The following SEMA4D variants were observed in gnomAD, a reference collection of about 807,000 sequenced individuals.
SEMA4D encodes semaphorin-4D.
In SEMA4D, 22 loss-of-function variants were observed where a neutral mutation model predicts 74.8. The ratio of observed to expected loss-of-function variants is 0.29; its 90% CI spans 0.21 to 0.42. SEMA4D has a LOEUF of 0.42. SEMA4D is among the 10% of genes least tolerant of loss of function. The pLI, the probability that SEMA4D is intolerant of heterozygous loss-of-function variation, is 1.00. For missense variants in SEMA4D, 937 were observed against 1,118.4 expected (o/e 0.84, Z 2.31); for synonymous variants, 445 against 463.7 (o/e 0.96, Z 0.52).
intron 2 of SEMA4D, among the ~76,000 whole-genome samples, chr9:89,454,788 C>T (rs1188661244): frequency 1.3e-5 from 2 of 152,196 alleles, no homozygotes; most frequent in Non-Finnish European, 2.9e-5. Context: ...CCCAGGCCAC[C>T]CTCGGGGTGG....
At chr9:89,400,359 CT>C (rs1190750330) in intron 4 of SEMA4D, among the ~76,000 whole-genome samples, 6 of 152,318 alleles carry the variant, frequency 3.9e-5, no homozygotes, top group Non-Finnish European at 7.3e-5. Flanking sequence ...AAAATGCCCC[CT>C]CTCTCTGTGA....
chr9:89,442,230 G>A (rs538199027), intron 2 of SEMA4D, among the ~76,000 whole-genome samples: 1 of 152,324 alleles, frequency 6.6e-6, no homozygotes, highest in South Asian at 2.1e-4. Context: ...CACTGGGAGG[G>A]GCTCAGTGGG....
At chr9:89,396,673 C>G (rs569298488) in intron 6 of SEMA4D, 64 bp downstream of exon 6, 1 of 1,328,492 alleles carries the variant, frequency 7.5e-7, no homozygotes, top group Non-Finnish European at 1.1e-6. Flanking sequence ...CTGCTTTGAG[C>G]CCCCTTCTAC....
Position 89,381,319 on chromosome 9 carries a change from T to G in SEMA4D, c.1474A>C (p.Asn492His), listed in dbSNP as rs753927810. The G allele has an allele frequency of 2.2e-5, 33 of 1,517,190 alleles. No individual in the cohort carries two copies. The highest frequency in any genetic ancestry group is 2.7e-5 in the Non-Finnish European group (31 of 1,128,602). The allele number at this position is 1,517,190 out of a possible 1,614,324, so 94.0% of individuals were successfully genotyped here. ...AGCGGGGCCTGGACCACGCCCGAGTTAGAGCCAGCATAGACAAACCTGTTG... is the reference window on the plus strand; with the variant it reads ...AGCGGGGCCTGGACCACGCCCGAGTGAGAGCCAGCATAGACAAACCTGTTG... ...KGNRFVYAGS[N>H]SGVVQAPLAF... The change falls in exon 14 of 16, where the codon AAC becomes CAC. Residue 492 changes from asparagine to histidine, a missense_variant. Physicochemically the swap from Asn to His is moderately conservative, Grantham distance 68 (BLOSUM62 1). Coordinates refer to ENST00000422704, the MANE Select transcript of SEMA4D (RefSeq NM_001371194.2). The surrounding 1 kb of genome is among the most constrained non-coding windows in gnomAD (Gnocchi z 4.6).
intron 1 of SEMA4D, among the ~76,000 whole-genome samples, chr9:89,488,426 G>A (rs1000507636): frequency 1.5e-5 from 2 of 137,836 alleles, no homozygotes; most frequent in Non-Finnish European, 1.5e-5. Flanking sequence ...TGGCTGGAGT[G>A]CAATGGTGCG....
intron 16 of SEMA4D, chr9:89,364,391 G>A (rs1397474881): frequency 4.8e-5 from 13 of 270,524 alleles, no homozygotes; most frequent in Non-Finnish European, 9.6e-5. Context: ...CCCAGAGCTC[G>A]GCCAGCTGTG....
intron 1 of SEMA4D, among the ~76,000 whole-genome samples, chr9:89,480,312 ACT>A (rs1418140241): frequency 6.6e-6 from 1 of 151,586 alleles, no homozygotes; most frequent in Non-Finnish European, 1.5e-5. Flanking sequence ...AGATATAAAG[ACT>A]CTCCACGTCC....
At chr9:89,479,903 G>C (rs1381107807) in intron 1 of SEMA4D, 4 of 152,336 alleles carry the variant, frequency 2.6e-5, no homozygotes, top group African/African-American at 7.2e-5. Context: ...TGCTGGCTCG[G>C]GCAGCCTGCT....
At chr9:89,362,169 A>G (rs1196171503) in exon 19 of SEMA4D, 1 of 618,678 alleles carries the variant, frequency 1.6e-6, no homozygotes, top group African/African-American at 1.8e-5. Context: ...TGTCCCAGGT[A>G]AGCACCTAAT....
intron 1 of SEMA4D, among the ~76,000 whole-genome samples, chr9:89,467,517 C>A (rs547123199): frequency 1.3e-5 from 2 of 151,054 alleles, no homozygotes; most frequent in South Asian, 4.2e-4. Context: ...GGGAACCACA[C>A]CTGGGAGCGC....
intron 16 of SEMA4D, chr9:89,368,534 C>T (rs983557584): frequency 2.6e-5 from 4 of 152,464 alleles, no homozygotes; most frequent in African/African-American, 9.6e-5. Context: ...GGGGGTATGC[C>T]CTGAGGCCTT....
intron 2 of SEMA4D, among the ~76,000 whole-genome samples, chr9:89,424,715 T>C (rs1847743559): frequency 6.6e-6 from 1 of 150,970 alleles, no homozygotes; most frequent in Non-Finnish European, 1.5e-5. Context: ...CCCACTTCCC[T>C]CACACCCACG....
chr9:89,421,171 G>A (rs1373448672), intron 2 of SEMA4D, among the ~76,000 whole-genome samples: 3 of 152,240 alleles, frequency 2.0e-5, no homozygotes, highest in Admixed American at 2.0e-4. Context: ...CAGCACTGCT[G>A]TGGCTGTGGA....
intron 1 of SEMA4D, among the ~76,000 whole-genome samples, chr9:89,465,561 C>T (rs947426792): frequency 6.6e-6 from 1 of 152,076 alleles, no homozygotes; most frequent in African/African-American, 2.4e-5. Flanking sequence ...CACAACATTG[C>T]AAATGTACTA....
intron 2 of SEMA4D, among the ~76,000 whole-genome samples, chr9:89,445,199 G>A (rs761822994): frequency 3.9e-5 from 6 of 152,186 alleles, no homozygotes; most frequent in Non-Finnish European, 8.8e-5. Context: ...TTTCAGAAAC[G>A]GATCCTGCAA....
chr9:89,384,883 C>T (rs1436895539), intron 13 of SEMA4D: 2 of 985,294 alleles, frequency 2.0e-6, no homozygotes, highest in African/African-American at 1.7e-5. Flanking sequence ...TCCACCCCCA[C>T]CTGGAGCCTA....
Position 89,383,364 on chromosome 9 carries a change from G to A in SEMA4D, c.1447-2018C>T, listed in dbSNP as rs565996546. On this transcript the variant is annotated intron_variant, in intron 13 of 15. Transcript: ENST00000422704. ...CAGAATGACCAAGGTCATCACGCTG[G>A]TGCGAGTCATACAGATGCCCCATCC... is the stretch of plus-strand genomic sequence containing the variant. 7.2e-5 allele frequency among the ~76,000 whole-genome samples: 11 copies of A among 152,308 alleles called. No homozygotes were observed. In the East Asian group the frequency reaches 1.7e-3, roughly 24 times the overall value.
chr9:89,484,486 T>G lies in SEMA4D; in HGVS notation c.-310+13433A>C, dbSNP rs1037450988. Among the ~76,000 whole-genome samples, 43 of 150,486 alleles carry G rather than the reference T, an allele frequency of 2.9e-4. No individual in the cohort carries two copies. The highest frequency in any genetic ancestry group is 4.4e-4 in the Non-Finnish European group (30 of 67,570). On this transcript the variant is annotated intron_variant, in intron 1 of 15. Transcript: ENST00000422704. The surrounding 1 kb of genome is among the most constrained non-coding windows in gnomAD (Gnocchi z 4.1). ...GTGTGTGTGTGGCATGGTATGTGTATGTACCACGTGGTGGGTTTGTGTAGT... is the reference window on the plus strand; with the variant it reads ...GTGTGTGTGTGGCATGGTATGTGTAGGTACCACGTGGTGGGTTTGTGTAGT...
intron 3 of SEMA4D, 136 bp downstream of exon 3, chr9:89,405,215 G>T (rs1180503571): frequency 1.5e-6 from 1 of 664,012 alleles, no homozygotes; most frequent in Non-Finnish European, 2.6e-6. Context: ...TGGAGTCCCT[G>T]TCCCGTTCCC....
Sources: gnomAD v4.1 joint callset for allele counts (sites outside exome capture counted in the v4.1 genomes callset) on GRCh38, gnomAD v4.1.1 for gene constraint, Gnocchi (gnomAD v3.1) non-coding constraint, MANE v1.5 for transcripts, NCBI Gene and HGNC (gene_info 2026-07-23, HGNC 2026-07-21) for gene names.